HS6ST2: variants seen among roughly 807,000 people sequenced by gnomAD.
HS6ST2 encodes the protein heparan sulfate 6-O-sulfotransferase 2.
A neutral mutation model predicts 33.0 loss-of-function variants in HS6ST2; 17 were observed. The ratio of observed to expected loss-of-function variants is 0.52; its 90% CI spans 0.35 to 0.77. The LOEUF (loss-of-function observed/expected upper bound fraction) is 0.77, where lower values mean the gene tolerates loss of function less well. Among genes scored for constraint, HS6ST2 ranks in the 30% least tolerant of loss-of-function variants. The pLI is 0.01. For synonymous variants in HS6ST2, 248 were observed against 237.1 expected, an observed-to-expected ratio of 1.05 and a Z score of -0.42; for missense variants, 519 against 551.7, an observed-to-expected ratio of 0.94 and a Z score of 0.59.
chrX:132,830,014 T>C lies in HS6ST2; in HGVS notation c.948-121520A>G, dbSNP rs73638580. Among the ~76,000 whole-genome samples the C allele has an allele frequency of 9.5e-3, 1,061 of 111,748 alleles. 8 individuals are homozygous for C. Among genetic ancestry groups the C allele is most frequent in the Middle Eastern group, 0.051 (11 of 217 alleles). On this transcript the variant is annotated intron_variant, in intron 2 of 4. Coordinates refer to ENST00000370833, the MANE Select transcript of HS6ST2 (RefSeq NM_001394073.1). ...TCCTGTGGTTGCCTTAGAATCACTT[T>C]GTGTCTGTGAACAACATAGCCACCA...
chrX:132,708,374 T>C, intron 3 of HS6ST2, 88 bp downstream of exon 3: 1 of 499,462 alleles, frequency 2.0e-6, no homozygotes, highest in Non-Finnish European at 2.9e-6. Context: ...CTATTTGTTG[T>C]ACTGAAATTA....
chrX:132,815,137 T>C (rs2065383278), intron 2 of HS6ST2, among the ~76,000 whole-genome samples: 2 of 112,331 alleles, frequency 1.8e-5, no homozygotes, highest in East Asian at 2.8e-4. Context: ...CTCAAAAATA[T>C]ATGTTGGAAG....
intron 2 of HS6ST2, among the ~76,000 whole-genome samples, chrX:132,954,032 C>T (rs1406541936): frequency 1.8e-5 from 2 of 112,361 alleles, no homozygotes; most frequent in African/African-American, 3.2e-5. Flanking sequence ...CGGGGAAGCC[C>T]TTTAGCCTTT....
At chrX:132,767,703 C>G (rs1243714068) in intron 2 of HS6ST2, among the ~76,000 whole-genome samples, 1 of 111,491 alleles carries the variant, frequency 9.0e-6, no homozygotes, top group Non-Finnish European at 1.9e-5. Flanking sequence ...CAGGCCGCCA[C>G]TCCTCTCAAC....
At chrX:132,874,972 A>T (rs2066097141) in intron 2 of HS6ST2, among the ~76,000 whole-genome samples, 1 of 111,727 alleles carries the variant, frequency 9.0e-6, no homozygotes, top group African/African-American at 3.3e-5. Flanking sequence ...CTCTGCCTCT[A>T]CCTCAGAGAC....
chrX:132,789,092 G>A (rs2148340348), intron 2 of HS6ST2, among the ~76,000 whole-genome samples: 1 of 112,631 alleles, frequency 8.9e-6, no homozygotes, highest in South Asian at 3.7e-4. Flanking sequence ...GATTTTCAAT[G>A]TAGATTAATC....
At chrX:132,762,180 C>A (rs1229264459) in intron 2 of HS6ST2, among the ~76,000 whole-genome samples, 1 of 111,674 alleles carries the variant, frequency 9.0e-6, no homozygotes, top group African/African-American at 3.3e-5. Flanking sequence ...CACTTATTGT[C>A]TTGGTTTGAA....
intron 2 of HS6ST2, among the ~76,000 whole-genome samples, chrX:132,817,642 T>C (rs1021880379): frequency 8.9e-6 from 1 of 112,012 alleles, no homozygotes; most frequent in Non-Finnish European, 1.9e-5. Flanking sequence ...ATCAATTCAA[T>C]TGAACAAATA....
intron 2 of HS6ST2, among the ~76,000 whole-genome samples, chrX:132,819,572 G>T (rs1038684561): frequency 1.6e-4 from 18 of 111,566 alleles, no homozygotes; most frequent in Non-Finnish European, 5.6e-5. Flanking sequence ...ATGCTTCCTA[G>T]AGATCCAACC....
intron 2 of HS6ST2, among the ~76,000 whole-genome samples, chrX:132,731,937 C>CT (rs34310863): frequency 9.0e-6 from 1 of 111,358 alleles, no homozygotes; most frequent in Non-Finnish European, 1.9e-5. Flanking sequence ...ACTCTGACTG[C>CT]TTTTTTTCCA....
intron 2 of HS6ST2, among the ~76,000 whole-genome samples, chrX:132,765,336 T>A (rs2064836891): frequency 8.9e-6 from 1 of 112,967 alleles, no homozygotes; most frequent in African/African-American, 3.2e-5. Flanking sequence ...GACACACGTG[T>A]GTTAATGCAA....
chrX:132,925,391 G>A (rs1035757148), intron 2 of HS6ST2, among the ~76,000 whole-genome samples: 18 of 112,023 alleles, frequency 1.6e-4, no homozygotes, highest in African/African-American at 2.3e-4. Context: ...GGAGGGGGTC[G>A]TGGAAACCTT....
rs760798280 is a variant in HS6ST2, at chrX:132,681,118, CCCA to C, written c.981-11922_981-11920del. On this transcript the variant is annotated intron_variant, in intron 3 of 4. Transcript: ENST00000370833. ...TTTCGTCAGTCATCCTGTCCTTCAT[CCCA>C]CCAAGGAGCCTTTGTAATTACATGC... Among the ~76,000 whole-genome samples, 369 of 111,410 alleles carry C rather than the reference CCCA, an allele frequency of 3.3e-3. 2 individuals carry two copies. Among genetic ancestry groups the C allele is most frequent in the African/African-American group, 0.011 (349 of 30,638 alleles).
At chrX:132,742,506 C>G (rs918176349) in intron 2 of HS6ST2, among the ~76,000 whole-genome samples, 8 of 111,479 alleles carry the variant, frequency 7.2e-5, no homozygotes. Context: ...ATGGCTAGTC[C>G]TTTAGAGAGC....
chrX:132,905,243 A>G (rs946299436), intron 2 of HS6ST2, among the ~76,000 whole-genome samples: 51 of 112,171 alleles, frequency 4.5e-4, no homozygotes, highest in Admixed American at 1.9e-4. Context: ...GAAACTGAAT[A>G]TATGAACTTT....
chrX:132,823,584 G>A (rs889676198), intron 2 of HS6ST2, among the ~76,000 whole-genome samples: 1 of 108,021 alleles, frequency 9.3e-6, no homozygotes, highest in African/African-American at 3.4e-5. Context: ...GGCCAGGCAC[G>A]ATGGCTCATA....
intron 2 of HS6ST2, among the ~76,000 whole-genome samples, chrX:132,719,886 C>T (rs1177500116): frequency 8.9e-6 from 1 of 112,416 alleles, no homozygotes. Flanking sequence ...TCAACTCCTT[C>T]GTAACCACAG....
At chrX:132,804,647 A>T (rs73239330) in intron 2 of HS6ST2, among the ~76,000 whole-genome samples, 2,332 of 111,453 alleles carry the variant, frequency 0.021, 34 homozygotes, top group Middle Eastern at 0.065. Flanking sequence ...AAAATAAAAA[A>T]TTTTTAAAAA....
chrX:132,637,853 A>AT lies in HS6ST2; in HGVS notation c.1068-8761dup, dbSNP rs1274752879. Among the ~76,000 whole-genome samples, 754 of 29,334 alleles carry AT rather than the reference A, an allele frequency of 0.026. 21 individuals carry two copies. In the African/African-American group the frequency reaches 0.27, roughly 11 times the overall value. 25.5% of individuals were successfully genotyped at this position (29,334 alleles called of 115,157 possible). ...TTATATATAATATTTTATATATAAT[A>AT]TATATATAATATATTATATATAATA... On this transcript the variant is annotated intron_variant, in intron 4 of 4. Coordinates refer to ENST00000370833, the MANE Select transcript of HS6ST2 (RefSeq NM_001394073.1).
Sources: allele counts gnomAD v4.1 joint callset (sites outside exome capture counted in the v4.1 genomes callset), GRCh38; gene constraint gnomAD v4.1.1; transcripts MANE v1.5; gene names NCBI Gene and HGNC (gene_info 2026-07-23, HGNC 2026-07-21).